Variants in INPP5F observed in about 807,000 individuals in gnomAD.
The protein encoded by INPP5F is phosphatidylinositide 4-phosphatase SAC2.
A neutral mutation model predicts 137.2 loss-of-function variants in INPP5F; 97 were observed. That is an observed-to-expected ratio of 0.71 (90% CI 0.60 to 0.84). The LOEUF (loss-of-function observed/expected upper bound fraction) is 0.84, where lower values mean the gene tolerates loss of function less well. Among genes scored for constraint, INPP5F ranks in the 40% least tolerant of loss-of-function variants. The pLI, the probability that INPP5F is intolerant of heterozygous loss-of-function variation, is 0.00. For missense variants in INPP5F, 1,271 were observed against 1,371.9 expected (o/e 0.93, Z 1.16); for synonymous variants, 504 against 476.9 (o/e 1.06, Z -0.74).
At chr10:119,825,367 CAG>C (rs1254545388) in intron 19 of INPP5F, among the ~76,000 whole-genome samples, 1 of 152,118 alleles carries the variant, frequency 6.6e-6, no homozygotes, top group Non-Finnish European at 1.5e-5. Context: ...TCTGAAGACC[CAG>C]AGTTTCATTA....
chr10:119,741,693 C>A (rs1467197414), intron 1 of INPP5F, among the ~76,000 whole-genome samples: 4 of 151,986 alleles, frequency 2.6e-5, no homozygotes, highest in Non-Finnish European at 4.4e-5. Context: ...CATCAGCATG[C>A]CTGGCTAATT....
intron 15 of INPP5F, chr10:119,814,346 C>T (rs943837043): frequency 6.6e-6 from 1 of 152,162 alleles, no homozygotes; most frequent in South Asian, 2.1e-4. Context: ...GAGATCACAC[C>T]ATTGCACCCC....
rs139037270 is a variant in INPP5F at position 119,826,954 on chromosome 10, A to G, written c.2573A>G (p.Tyr858Cys). 4 of 1,613,988 alleles carry G rather than the reference A, an allele frequency of 2.5e-6. No individual in the cohort carries two copies. The African/African-American group carries it at 5.3e-5, about 22-fold the overall frequency. The change falls in exon 20 of 20, where the codon TAC (tyrosine) becomes TGC (cysteine). Residue 858 changes from tyrosine to cysteine, a missense_variant. Transcript: ENST00000650623. ...GACATGTCTTCAGATAATGACTCAT[A>G]CCACTCTGATGAATTCCTTACAAAT... ...DGDMSSDNDS[Y>C]HSDEFLTNSK...
chr10:119,821,082 TTCC>T (rs574598980), intron 16 of INPP5F, among the ~76,000 whole-genome samples, 165 bp downstream of exon 16: 77 of 152,370 alleles, frequency 5.1e-4, no homozygotes, highest in African/African-American at 1.8e-3. Flanking sequence ...TCATTCTAAC[TTCC>T]TTTTATCTTT....
At chr10:119,806,199 C>T (rs1303187288) in intron 11 of INPP5F, among the ~76,000 whole-genome samples, 161 bp from the exon 12 acceptor site, 1 of 151,592 alleles carries the variant, frequency 6.6e-6, no homozygotes, top group Non-Finnish European at 1.5e-5. Flanking sequence ...TGTAAATTAA[C>T]AATGATGTCT....
chr10:119,808,151 A>C, intron 13 of INPP5F, 91 bp downstream of exon 13: 1 of 1,454,550 alleles, frequency 6.9e-7, no homozygotes, highest in Non-Finnish European at 9.3e-7. Context: ...TGGGTTCCAG[A>C]TTGCAGATGT....
Position 119,772,220 on chromosome 10 carries a change from A to G in INPP5F, c.179-9415A>G, listed in dbSNP as rs554098216. 4.1e-4 allele frequency among the ~76,000 whole-genome samples: 63 copies of G among 151,858 alleles called. 2 individuals carry two copies. The South Asian group carries it at 7.5e-3, about 18-fold the overall frequency. On this transcript the variant is annotated intron_variant, in intron 2 of 19. Transcript: ENST00000650623. Reference sequence around the variant, plus strand: ...ACCTATCTTTTTTTACTTTGGGGACATTACCTTTTTCTTTTCTACAGATTT... The same window carrying G: ...ACCTATCTTTTTTTACTTTGGGGACGTTACCTTTTTCTTTTCTACAGATTT...
chr10:119,823,294 C>A, intron 18 of INPP5F, 95 bp downstream of exon 18: 1 of 1,204,278 alleles, frequency 8.3e-7, no homozygotes, highest in Non-Finnish European at 1.2e-6. Flanking sequence ...TCATAACCAA[C>A]TGAATGAGAG....
chr10:119,781,754 C>T lies in INPP5F; in HGVS notation c.298C>T (p.Gln100Ter). Residue 100 changes from glutamine to a stop codon, truncating the protein, a stop_gained, in exon 3 of 20, where the codon CAG (glutamine) becomes TAG (stop). Transcript: ENST00000650623. LOFTEE classifies it high-confidence loss of function. ...GCTCTCACTTTCTGAAATGGAACCT[C>T]AGGATCTTGAGCTAGAGGTAGGTGA... Reference protein sequence around the residue: ...AVLSLSEMEPQDLELELCKKH... With the variant: ...AVLSLSEMEP The T allele has an allele frequency of 6.2e-7, 1 of 1,605,882 alleles. No homozygotes were observed. Among genetic ancestry groups the T allele is most frequent in the Non-Finnish European group, 8.5e-7 (1 of 1,174,138 alleles).
intron 9 of INPP5F, among the ~76,000 whole-genome samples, chr10:119,799,898 T>C (rs572204188): frequency 3.3e-5 from 5 of 152,284 alleles, no homozygotes; most frequent in African/African-American, 1.2e-4. Flanking sequence ...CAATGTATTA[T>C]TATGTATCAC....
intron 1 of INPP5F, among the ~76,000 whole-genome samples, chr10:119,750,387 C>T (rs1848657842): frequency 6.6e-6 from 1 of 152,198 alleles, no homozygotes; most frequent in African/African-American, 2.4e-5. Context: ...AAACCCTGTC[C>T]TTAGGCATCC....
At chr10:119,820,988 C>G in intron 16 of INPP5F, 71 bp downstream of exon 16, 1 of 970,496 alleles carries the variant, frequency 1.0e-6, no homozygotes, top group Non-Finnish European at 1.6e-6. Context: ...TTTTAGAATT[C>G]GTAACAAAAA....
In INPP5F at chr10:119,798,709, G is replaced by A; in HGVS notation, c.1116+99G>A. 4.8e-6 allele frequency: 3 copies of A among 624,014 alleles called. No individual in the cohort carries two copies. The South Asian group carries it at 7.5e-5, about 16-fold the overall frequency. 38.7% of individuals were successfully genotyped at this position (624,014 alleles called of 1,614,324 possible). A position where few individuals can be genotyped will look rare whatever the true frequency, so the allele number is the denominator to read the frequency against. On this transcript the variant is annotated intron_variant, in intron 9 of 19. Coordinates refer to ENST00000650623, the MANE Select transcript of INPP5F (RefSeq NM_014937.4). ...TAACATTGTACTATTCAAAATTAAAGCATTTGTCATGAAGTTTAACACATT... is the reference window on the plus strand; with the variant it reads ...TAACATTGTACTATTCAAAATTAAAACATTTGTCATGAAGTTTAACACATT...
intron 15 of INPP5F, among the ~76,000 whole-genome samples, chr10:119,817,283 G>C (rs140710540): frequency 8.3e-4 from 127 of 152,260 alleles, no homozygotes; most frequent in African/African-American, 2.9e-3. Flanking sequence ...AAGTAGTGCT[G>C]CTATGAACAT....
At chr10:119,795,475 C>T (rs1198867414) in intron 6 of INPP5F, among the ~76,000 whole-genome samples, 1 of 144,588 alleles carries the variant, frequency 6.9e-6, no homozygotes, top group Non-Finnish European at 1.5e-5. Context: ...ACCTCTCAGA[C>T]GATGGGCGGC....
At chr10:119,788,749 G>A (rs1850015286) in intron 3 of INPP5F, among the ~76,000 whole-genome samples, 1 of 152,212 alleles carries the variant, frequency 6.6e-6, no homozygotes, top group South Asian at 2.1e-4. Flanking sequence ...CAAAGGAAAG[G>A]GGTGAATGAT....
intron 1 of INPP5F, among the ~76,000 whole-genome samples, chr10:119,734,001 A>G (rs1848156268): frequency 6.6e-6 from 1 of 152,192 alleles, no homozygotes; most frequent in African/African-American, 2.4e-5. Flanking sequence ...GGACGTTTAA[A>G]GGGAGAATAT....
chr10:119,772,913 C>T (rs537378779), intron 2 of INPP5F, among the ~76,000 whole-genome samples: 14 of 152,030 alleles, frequency 9.2e-5, no homozygotes, highest in Admixed American at 3.9e-4. Context: ...CCATGCCCAG[C>T]TAATTTTTGT....
chr10:119,756,415 T>C (rs196194), intron 2 of INPP5F, among the ~76,000 whole-genome samples: 148,650 of 152,200 alleles, frequency 0.98, 72,658 homozygotes, highest in East Asian at 1. Flanking sequence ...GCGGGTGGAT[T>C]GCTTGAGGTC....
Sources: gnomAD v4.1 joint callset for allele counts (sites outside exome capture counted in the v4.1 genomes callset) on GRCh38, gnomAD v4.1.1 for gene constraint, MANE v1.5 for transcripts, NCBI Gene and HGNC (gene_info 2026-07-23, HGNC 2026-07-21) for gene names.